REDIC1: variants seen among roughly 807,000 people sequenced by gnomAD.
REDIC1 encodes the protein regulator of DNA class I crossover intermediates 1.
At chr12:39,841,564 A>G in the REDIC1 span, among the ~76,000 whole-genome samples, 1 of 152,136 alleles carries the variant, frequency 6.6e-6, no homozygotes, top group Non-Finnish European at 1.5e-5. Context: ...ATCTATATAC[A>G]TATACATATG....
the REDIC1 span, among the ~76,000 whole-genome samples, chr12:39,712,832 T>C: frequency 2.9e-5 from 4 of 140,346 alleles, no homozygotes; most frequent in African/African-American, 1.0e-4. Context: ...TGTATGTATA[T>C]ACATATACAC....
chr12:39,736,671 G>T, the REDIC1 span: 1 of 152,220 alleles, frequency 6.6e-6, no homozygotes, highest in Non-Finnish European at 1.5e-5. Context: ...GTCGTAAAAG[G>T]TGATAGAATT....
the REDIC1 span, among the ~76,000 whole-genome samples, chr12:39,782,345 G>C: frequency 3.9e-5 from 6 of 152,004 alleles, no homozygotes; most frequent in South Asian, 4.2e-4. Flanking sequence ...TCATGGGGGC[G>C]GCCGGTCTTT....
chr12:39,786,466 T>A, the REDIC1 span, among the ~76,000 whole-genome samples: 1 of 150,968 alleles, frequency 6.6e-6, no homozygotes, highest in African/African-American at 2.4e-5. Context: ...ATCAGCAGCA[T>A]GAAAATGGAC....
the REDIC1 span, among the ~76,000 whole-genome samples, chr12:39,713,144 G>C: frequency 1.4e-5 from 2 of 141,148 alleles, no homozygotes; most frequent in African/African-American, 5.5e-5. Context: ...TATATATGTA[G>C]ATATGTGCAT....
At chr12:39,844,444 C>T in the REDIC1 span, among the ~76,000 whole-genome samples, 12 of 152,126 alleles carry the variant, frequency 7.9e-5, no homozygotes, top group African/African-American at 2.9e-4. Context: ...TCCTTCCATA[C>T]CTAGTAGCAT....
the REDIC1 span, among the ~76,000 whole-genome samples, chr12:39,679,101 C>G: frequency 3.3e-5 from 5 of 152,080 alleles, no homozygotes; most frequent in Admixed American, 6.6e-5. Context: ...CTAGCCAGAA[C>G]AGTCAGACAA....
At chr12:39,691,647 T>A in the REDIC1 span, among the ~76,000 whole-genome samples, 7 of 152,150 alleles carry the variant, frequency 4.6e-5, no homozygotes, top group Non-Finnish European at 1.0e-4. Flanking sequence ...TGTAGAAAGT[T>A]ATACCTCTAA....
chr12:39,750,564 T>C, the REDIC1 span, among the ~76,000 whole-genome samples: 1 of 152,152 alleles, frequency 6.6e-6, no homozygotes, highest in Non-Finnish European at 1.5e-5. Flanking sequence ...AAAACTACTT[T>C]AAAGTTCATA....
At chr12:39,845,508 G>T in the REDIC1 span, among the ~76,000 whole-genome samples, 1 of 152,066 alleles carries the variant, frequency 6.6e-6, no homozygotes, top group African/African-American at 2.4e-5. Flanking sequence ...TTGCATAGTT[G>T]GTTAGAAGGT....
At chr12:39,855,727 C>G in the REDIC1 span, among the ~76,000 whole-genome samples, 2 of 152,322 alleles carry the variant, frequency 1.3e-5, no homozygotes, top group East Asian at 3.9e-4. Context: ...ATAGAACTTA[C>G]ACAATTGCAG....
chr12:39,772,846 G>T, the REDIC1 span, among the ~76,000 whole-genome samples: 1 of 140,334 alleles, frequency 7.1e-6, no homozygotes, highest in Non-Finnish European at 1.6e-5. Flanking sequence ...ACGTTTACAT[G>T]TGCAAAAAAA....
chr12:39,848,333 G>T, the REDIC1 span, among the ~76,000 whole-genome samples: 2 of 151,800 alleles, frequency 1.3e-5, no homozygotes, highest in Non-Finnish European at 2.9e-5. Context: ...ATTTACAAAA[G>T]AAAAACAACC....
chr12:39,683,163 G>A, the REDIC1 span: 2 of 1,545,902 alleles, frequency 1.3e-6, no homozygotes, highest in Non-Finnish European at 1.7e-6. Context: ...CATGGAAAAT[G>A]TAATTACATA....
At chr12:39,784,321 A>G in the REDIC1 span, among the ~76,000 whole-genome samples, 56 of 152,212 alleles carry the variant, frequency 3.7e-4, no homozygotes, top group Non-Finnish European at 1.2e-4. Flanking sequence ...CTGACTTCAA[A>G]CTACACTAGA....
At chr12:39,856,488 C>A in the REDIC1 span, among the ~76,000 whole-genome samples, 1 of 152,172 alleles carries the variant, frequency 6.6e-6, no homozygotes, top group Non-Finnish European at 1.5e-5. Flanking sequence ...CCTGCCTCAG[C>A]CTCCCTAGTA....
At chr12:39,745,136 C>T in the REDIC1 span, among the ~76,000 whole-genome samples, 2 of 152,128 alleles carry the variant, frequency 1.3e-5, no homozygotes, top group Admixed American at 1.3e-4. Context: ...TCAAAACATT[C>T]TAAAAACAAA....
the REDIC1 span, chr12:39,640,804 T>A: frequency 2.0e-6 from 1 of 495,706 alleles, no homozygotes; most frequent in Non-Finnish European, 3.5e-6. Context: ...ATAAATACTT[T>A]AAGAATATTT....
chr12:39,697,174 G>A, the REDIC1 span, among the ~76,000 whole-genome samples: 2 of 152,208 alleles, frequency 1.3e-5, no homozygotes, highest in South Asian at 2.1e-4. Flanking sequence ...AGCAGACTTT[G>A]CAGTGGAAGC....
Sources: allele counts gnomAD v4.1 joint callset (sites outside exome capture counted in the v4.1 genomes callset), GRCh38; gene constraint gnomAD v4.1.1; transcripts MANE v1.5; gene names NCBI Gene and HGNC (gene_info 2026-07-23, HGNC 2026-07-21).